The following RNF40 variants were observed in gnomAD, a reference collection of about 807,000 sequenced individuals.
RNF40 encodes E3 ubiquitin-protein ligase BRE1B.
A neutral mutation model predicts 123.3 loss-of-function variants in RNF40; 39 were observed. The ratio of observed to expected loss-of-function variants is 0.32; its 90% confidence interval spans 0.24 to 0.41. RNF40 has a LOEUF of 0.41. Ranked by LOEUF, RNF40 falls within the 10% of genes least tolerant of loss-of-function variation. The pLI, the probability that RNF40 is intolerant of heterozygous loss-of-function variation, is 1.00. For missense variants in RNF40, 1,003 were observed against 1,319.9 expected (o/e 0.76, Z 3.72); for synonymous variants, 538 against 526.0 (o/e 1.02, Z -0.31).
At chr16:30,763,673 G>C in intron 4 of RNF40, 114 bp downstream of exon 4, 1 of 1,135,446 alleles carries the variant, frequency 8.8e-7, no homozygotes, top group Non-Finnish European at 1.3e-6. Context: ...CTCACGAAAT[G>C]GATTTCATGT....
In RNF40 at chr16:30,772,177, T is replaced by A. The variant is rs1403080981; in HGVS notation, c.2816T>A (p.Ile939Asn). ...ADADEILQEE[I>N]KEYKARLTCP... ...GCCGACGAAATCCTCCAGGAGGAGATCAAGGAGTACAAGGTGGGGCTGTGG... is the reference window on the plus strand; with the variant it reads ...GCCGACGAAATCCTCCAGGAGGAGAACAAGGAGTACAAGGTGGGGCTGTGG... The change falls in exon 19 of 20, where the codon ATC becomes AAC. Residue 939 changes from isoleucine (I) to asparagine (N), a missense_variant. Physicochemically the swap from Ile to Asn is moderately radical, Grantham distance 149. This residue lies in a region of RNF40 where 76 missense variants were observed against 134.1 expected (regional missense o/e 0.57). Transcript: ENST00000324685. 6 of 1,552,204 alleles carry A rather than the reference T, an allele frequency of 3.9e-6. No homozygotes were observed. The highest frequency in any genetic ancestry group is 5.2e-6 in the Non-Finnish European group (6 of 1,147,238).
In RNF40 at chr16:30,765,341, G is replaced by T. The variant is rs1365396440; in HGVS notation, c.918+14G>T. 1.9e-6 allele frequency: 3 copies of T among 1,614,182 alleles called. No homozygotes were observed. The highest frequency in any genetic ancestry group is 2.5e-6 in the Non-Finnish European group (3 of 1,180,016). On this transcript the variant is annotated intron_variant, in intron 7 of 19. Coordinates refer to ENST00000324685, the MANE Select transcript of RNF40 (RefSeq NM_014771.4). ...GCCTTAGAGCAGGTGGGGCAGGGGT[G>T]CTGGGGCAGGTGAGGCAAGGCTGGG... is the stretch of plus-strand genomic sequence containing the variant.
chr16:30,762,776 A>T, intron 2 of RNF40, 99 bp downstream of exon 2: 1 of 1,475,222 alleles, frequency 6.8e-7, no homozygotes, highest in East Asian at 2.3e-5. Flanking sequence ...CCCCAAGTTT[A>T]GCAAGGTCCG....
chr16:30,767,294 G>T (rs982888439), intron 11 of RNF40, among the ~76,000 whole-genome samples: 1 of 152,166 alleles, frequency 6.6e-6, no homozygotes, highest in African/African-American at 2.4e-5. Flanking sequence ...ACTAGTAGAA[G>T]AAAAATGGAA....
chr16:30,769,051 C>T, intron 15 of RNF40, 64 bp downstream of exon 15: 12 of 1,604,422 alleles, frequency 7.5e-6, no homozygotes, highest in Non-Finnish European at 8.5e-6. Context: ...CTGTTTGGTG[C>T]CTCTAGTGCC....
chr16:30,768,937 G>A lies in RNF40; in HGVS notation c.2197G>A (p.Ala733Thr). Residue 733 changes from alanine to threonine, a missense_variant, in exon 15 of 20, where the codon GCA (alanine) becomes ACA (threonine). Coordinates refer to ENST00000324685, the MANE Select transcript of RNF40 (RefSeq NM_014771.4). This position sits in a 1 kb window ranked among gnomAD's most constrained non-coding sequence, Gnocchi z 4.1. ...DEDALRRIRQAEEQIEHLQRK... is the reference protein window; with the variant it reads ...DEDALRRIRQTEEQIEHLQRK... ...GGATGCCCTGCGGCGCATTCGGCAG[G>A]CAGAGGAGCAGATAGAACACCTGCA... The A allele has an allele frequency of 1.2e-6, 2 of 1,614,156 alleles. No homozygotes were observed. The highest frequency in any genetic ancestry group is 1.7e-6 in the Non-Finnish European group (2 of 1,180,036).
Position 30,774,723 on chromosome 16 carries a change from C to CT in RNF40, c.*610dup. 2.9e-6 allele frequency: 1 copy of CT among 340,988 alleles called. No homozygotes were observed. Among genetic ancestry groups the CT allele is most frequent in the African/African-American group, 2.2e-5 (1 of 46,448 alleles). 21.1% of individuals were successfully genotyped at this position (340,988 alleles called of 1,614,324 possible). ...CATCACTTGCTTCCTTTGGGAAGCT[C>CT]TAAGGTTGCTGCAGTCACCTTCCTC... is the stretch of plus-strand genomic sequence containing the variant. On this transcript the variant is annotated 3_prime_UTR_variant, in exon 20 of 20. Transcript: ENST00000324685.
chr16:30,767,469 T>C (rs563085744), intron 11 of RNF40, among the ~76,000 whole-genome samples: 1 of 151,968 alleles, frequency 6.6e-6, no homozygotes, highest in South Asian at 2.1e-4. Context: ...ATGTTACAGT[T>C]ACCTTCTCTA....
chr16:30,765,505 C>T lies in RNF40; in HGVS notation c.993+6C>T, dbSNP rs761489393. On this transcript the variant is annotated splice_donor_region_variant and intron_variant, in intron 8 of 19. Transcript: ENST00000324685. The stretch of plus-strand genomic sequence containing the variant: ...TCACACTCAGCATGCAGAAGGTGAG[C>T]GGCGTTTTCCTCCCACCCCTTCTCA... 1.2e-5 allele frequency: 19 copies of T among 1,613,282 alleles called. No homozygotes were observed. The highest frequency in any genetic ancestry group is 4.0e-5 in the African/African-American group (3 of 75,032).
chr16:30,765,250 G>A lies in RNF40; in HGVS notation c.841G>A (p.Asp281Asn). 1 of 1,614,230 alleles carries A rather than the reference G, an allele frequency of 6.2e-7. No individual in the cohort carries two copies. The highest frequency in any genetic ancestry group is 8.5e-7 in the Non-Finnish European group (1 of 1,180,044). The change falls in exon 7 of 20, where the codon GAC becomes AAC. Residue 281 changes from aspartate (D) to asparagine (N), a missense_variant. Around this residue, in one of 11 missense-constraint regions of RNF40, gnomAD observed 274 missense variants for 356.9 expected, o/e 0.77. Transcript: ENST00000324685. ...GCTGGAGATGGAGACAACAGTGGAG[G>A]ACTTGCAGTGGGACATCGAGAAGCT... Reference protein sequence around the residue: ...KVLEMETTVEDLQWDIEKLRK... With the variant: ...KVLEMETTVENLQWDIEKLRK...
At chr16:30,767,133 C>G (rs2054048439) in intron 11 of RNF40, among the ~76,000 whole-genome samples, 1 of 152,242 alleles carries the variant, frequency 6.6e-6, no homozygotes. Flanking sequence ...GATGACGTCT[C>G]TGTCTCTCAG....
At chr16:30,762,451 A>G (rs1201698495) in intron 1 of RNF40, 24 bp from the exon 2 acceptor site, 1 of 1,322,666 alleles carries the variant, frequency 7.6e-7, no homozygotes, top group African/African-American at 1.5e-5. Context: ...CCGTTCCCAC[A>G]TCTCTGCTCT....
chr16:30,773,925 T>C lies in RNF40; in HGVS notation c.2830-13T>C. The stretch of plus-strand genomic sequence containing the variant: ...CAGAGTTGTTCCCAAGCTGATGCCT[T>C]TGCCTGGCCCAGGCGCGGTTGACCT... On this transcript the variant is annotated splice_polypyrimidine_tract_variant and intron_variant, in intron 19 of 19. Coordinates refer to ENST00000324685, the MANE Select transcript of RNF40 (RefSeq NM_014771.4). 1.9e-6 allele frequency: 3 copies of C among 1,604,508 alleles called. No homozygotes were observed. The highest frequency in any genetic ancestry group is 2.6e-6 in the Non-Finnish European group (3 of 1,172,980).
At chr16:30,762,088 G>C (rs2053844563), upstream of RNF40, 3 of 391,578 alleles carry the variant, frequency 7.7e-6, no homozygotes, top group Middle Eastern at 1.3e-3. Context: ...CCTCCAGGCT[G>C]GGAAGTGGGA....
intron 19 of RNF40, 105 bp from the exon 20 acceptor site, chr16:30,773,833 T>C (rs1235196029): frequency 4.4e-6 from 5 of 1,134,562 alleles, no homozygotes; most frequent in Non-Finnish European, 6.4e-6. Flanking sequence ...GAGGATGAGG[T>C]GCAGTCTCCA....
chr16:30,774,276 A>G lies in RNF40; in HGVS notation c.*162A>G, dbSNP rs1042538075. ...GGGACCCTGGTGCATGCTAGTGGGC[A>G]TGGGATCAGCCAAGCTTCGTTCCAT... On this transcript the variant is annotated 3_prime_UTR_variant, in exon 20 of 20. Transcript: ENST00000324685. The G allele has an allele frequency of 4.5e-6, 3 of 671,120 alleles. No homozygotes were observed. Among genetic ancestry groups the G allele is most frequent in the Non-Finnish European group, 7.4e-6 (3 of 406,220 alleles). 41.6% of individuals were successfully genotyped at this position (671,120 alleles called of 1,614,324 possible). A position where few individuals can be genotyped will look rare whatever the true frequency, so the allele number is the denominator to read the frequency against.
Position 30,766,603 on chromosome 16 carries a change from C to T in RNF40, c.1293+45C>T, listed in dbSNP as rs566145497. 2.2e-5 allele frequency: 35 copies of T among 1,585,756 alleles called. No homozygotes were observed. The highest frequency in any genetic ancestry group is 4.6e-5 in the South Asian group (4 of 86,972). On this transcript the variant is annotated intron_variant, in intron 10 of 19. Coordinates refer to ENST00000324685, the MANE Select transcript of RNF40 (RefSeq NM_014771.4). The surrounding 1 kb of genome is among the most constrained non-coding windows in gnomAD (Gnocchi z 5.4). ...GTTAGGGCTGGGCTAAGGGCCAAACCGTTAGTGTTGACGTGTTTGTGCCTT... is the reference window on the plus strand; with the variant it reads ...GTTAGGGCTGGGCTAAGGGCCAAACTGTTAGTGTTGACGTGTTTGTGCCTT...
upstream of RNF40, chr16:30,761,633 GC>G: frequency 6.5e-7 from 1 of 1,536,080 alleles, no homozygotes; most frequent in South Asian, 1.2e-5. Flanking sequence ...CGTCCGCGCG[GC>G]CGACCCATGC....
chr16:30,769,081 G>A, intron 15 of RNF40, 94 bp downstream of exon 15: 2 of 1,587,312 alleles, frequency 1.3e-6, no homozygotes, highest in Non-Finnish European at 1.7e-6. Context: ...TTGATGATCT[G>A]GGTCCCCTCT....
Sources: allele counts gnomAD v4.1 joint callset (sites outside exome capture counted in the v4.1 genomes callset), GRCh38; gene constraint gnomAD v4.1.1; regional missense constraint gnomAD v4.1.1; non-coding constraint Gnocchi (gnomAD v3.1); transcripts MANE v1.5; gene names NCBI Gene and HGNC (gene_info 2026-07-23, HGNC 2026-07-21).